The following LRMDA variants were observed in gnomAD, a reference collection of about 807,000 sequenced individuals.
LRMDA encodes the protein leucine-rich melanocyte differentiation-associated protein.
Under a neutral mutation model 29.8 loss-of-function variants are expected in LRMDA, and 18 were observed. That is an observed-to-expected ratio of 0.60 (90% CI 0.42 to 0.90). LRMDA has a LOEUF of 0.90. LRMDA is among the 40% of genes least tolerant of loss of function. The probability of loss-of-function intolerance (pLI) is 0.00; values close to 1 mark genes in which losing one functional copy is unlikely to be tolerated. For synonymous variants in LRMDA, 125 were observed against 109.4 expected, an observed-to-expected ratio of 1.14 and a Z score of -0.89; for missense variants, 273 against 273.9, an observed-to-expected ratio of 1.00 and a Z score of 0.02.
At chr10:75,491,047 C>T (rs372040287) in intron 2 of LRMDA, among the ~76,000 whole-genome samples, 2 of 152,178 alleles carry the variant, frequency 1.3e-5, no homozygotes, top group African/African-American at 4.8e-5. Flanking sequence ...ATACCCCATA[C>T]CATCAGGAAG....
chr10:76,488,684 C>G (rs1315012996), intron 6 of LRMDA, among the ~76,000 whole-genome samples: 1 of 151,850 alleles, frequency 6.6e-6, no homozygotes, highest in Non-Finnish European at 1.5e-5. Flanking sequence ...AACTGCTAAA[C>G]TATTTTCTAA....
At chr10:75,507,611 G>T (rs1193306663) in intron 2 of LRMDA, among the ~76,000 whole-genome samples, 1 of 152,052 alleles carries the variant, frequency 6.6e-6, no homozygotes, top group Admixed American at 6.5e-5. Context: ...GCATTGTTTC[G>T]GAGCCAGTTC....
At chr10:75,926,824 G>C (rs1846127961) in intron 2 of LRMDA, among the ~76,000 whole-genome samples, 1 of 152,190 alleles carries the variant, frequency 6.6e-6, no homozygotes, top group South Asian at 2.1e-4. Context: ...AGGAGACCTT[G>C]TTGTTTTTCT....
At chr10:75,832,885 A>C (rs145415140) in intron 2 of LRMDA, among the ~76,000 whole-genome samples, 2 of 152,208 alleles carry the variant, frequency 1.3e-5, no homozygotes, top group Non-Finnish European at 2.9e-5. Flanking sequence ...ACCTGCCCCC[A>C]TGATTCAGTT....
chr10:76,346,189 G>A (rs984675542), intron 6 of LRMDA, among the ~76,000 whole-genome samples: 73 of 152,262 alleles, frequency 4.8e-4, no homozygotes, highest in African/African-American at 1.6e-3. Context: ...TTACTTCTAC[G>A]AGAGGACTTT....
chr10:75,885,000 G>A (rs1845361037), intron 2 of LRMDA, among the ~76,000 whole-genome samples: 1 of 152,164 alleles, frequency 6.6e-6, no homozygotes. Context: ...GAGCACTGCA[G>A]TTCAGGAGGC....
chr10:76,203,989 T>C (rs1851484596), intron 5 of LRMDA, among the ~76,000 whole-genome samples: 1 of 144,600 alleles, frequency 6.9e-6, no homozygotes, highest in East Asian at 2.2e-4. Context: ...CCATCTCTAT[T>C]CCATGTGCCC....
chr10:75,842,721 G>T (rs1471970665), intron 2 of LRMDA, among the ~76,000 whole-genome samples: 6 of 152,134 alleles, frequency 3.9e-5, no homozygotes, highest in African/African-American at 1.4e-4. Context: ...TATAACGTGG[G>T]TCATGGCCCA....
chr10:75,633,314 G>T (rs1250410136), intron 2 of LRMDA, among the ~76,000 whole-genome samples: 2 of 152,180 alleles, frequency 1.3e-5, no homozygotes, highest in African/African-American at 4.8e-5. Context: ...TTTGGTGGCA[G>T]TGAGTAACCC....
chr10:75,858,604 T>A (rs1262936679), intron 2 of LRMDA, among the ~76,000 whole-genome samples: 1 of 152,200 alleles, frequency 6.6e-6, no homozygotes, highest in Non-Finnish European at 1.5e-5. Flanking sequence ...CAGTCCTTGC[T>A]CTACATTGTT....
chr10:75,851,196 C>T (rs2132311016), intron 2 of LRMDA, among the ~76,000 whole-genome samples: 1 of 152,252 alleles, frequency 6.6e-6, no homozygotes, highest in South Asian at 2.1e-4. Flanking sequence ...GTTACTTCAG[C>T]ACAAACATCC....
chr10:76,067,401 A>G (rs566522620), intron 5 of LRMDA, among the ~76,000 whole-genome samples: 2 of 152,288 alleles, frequency 1.3e-5, no homozygotes, highest in East Asian at 3.9e-4. Context: ...TTGTTTGTGC[A>G]ATGTAGATTC....
chr10:76,064,458 G>A lies in LRMDA; in HGVS notation c.516+5675G>A, dbSNP rs74147633. ...CATGTTAGGGTACCCACAAGTCTGT[G>A]TGTAGTTACAATGAAATTTTCCGTC... On this transcript the variant is annotated intron_variant, in intron 5 of 6. Coordinates refer to ENST00000611255, the MANE Select transcript of LRMDA (RefSeq NM_001305581.2). 1.0e-3 allele frequency among the ~76,000 whole-genome samples: 154 copies of A among 152,276 alleles called. 1 individual carries two copies. The highest frequency in any genetic ancestry group is 3.6e-3 in the African/African-American group (151 of 41,550).
rs1043369827 is a variant in LRMDA, at chr10:76,218,286, G to T, written c.517-106115G>T. The stretch of plus-strand genomic sequence containing the variant: ...TTGCCCGAACAGTGCCATTAGTGGG[G>T]AGGCAGACTGTCTGCTGAGTGCAGG... On this transcript the variant is annotated intron_variant, in intron 5 of 6. Transcript: ENST00000611255. Among the ~76,000 whole-genome samples the T allele has an allele frequency of 3.3e-5, 5 of 152,300 alleles. No individual in the cohort carries two copies. In the East Asian group the frequency reaches 9.7e-4, roughly 29 times the overall value.
At chr10:75,933,540 C>T (rs537858091) in intron 2 of LRMDA, among the ~76,000 whole-genome samples, 1 of 152,240 alleles carries the variant, frequency 6.6e-6, no homozygotes, top group South Asian at 2.1e-4. Flanking sequence ...GCAGAAGATT[C>T]AGAGTGCAAT....
intron 5 of LRMDA, among the ~76,000 whole-genome samples, chr10:76,106,467 T>C (rs1367709025): frequency 1.3e-5 from 2 of 152,228 alleles, no homozygotes; most frequent in East Asian, 3.8e-4. Context: ...TCTTTAGCCA[T>C]GAAATATCCC....
intron 5 of LRMDA, among the ~76,000 whole-genome samples, chr10:76,083,743 A>G (rs552447875): frequency 6.6e-6 from 1 of 151,550 alleles, no homozygotes; most frequent in East Asian, 2.0e-4. Flanking sequence ...TTGAGGCAGG[A>G]GAATCACTTG....
intron 2 of LRMDA, among the ~76,000 whole-genome samples, chr10:75,854,548 AATTTATTT>A (rs532173091): frequency 5.9e-5 from 9 of 152,024 alleles, no homozygotes; most frequent in East Asian, 3.9e-4. Flanking sequence ...AAAAATGACC[AATTTATTT>A]ATTTATTTAT....
chr10:75,436,942 G>A (rs561874990), intron 1 of LRMDA, among the ~76,000 whole-genome samples: 19 of 152,312 alleles, frequency 1.2e-4, no homozygotes, highest in South Asian at 6.2e-4. Context: ...AGAAAGAGGA[G>A]AGATTGCTAG....
Sources: allele counts gnomAD v4.1 joint callset (sites outside exome capture counted in the v4.1 genomes callset), GRCh38; gene constraint gnomAD v4.1.1; transcripts MANE v1.5; gene names NCBI Gene and HGNC (gene_info 2026-07-23, HGNC 2026-07-21).